GNG4: variants seen among roughly 807,000 people sequenced by gnomAD.
The protein encoded by GNG4 is guanine nucleotide-binding protein G(I)/G(S)/G(O) subunit gamma-4.
A neutral mutation model predicts 5.8 loss-of-function variants in GNG4; 4 were observed. The ratio of observed to expected loss-of-function variants is 0.69; its 90% confidence interval spans 0.34 to 1.57. GNG4 has a LOEUF of 1.57. Among genes scored for constraint, GNG4 ranks in the 40% most tolerant of loss-of-function variants. The pLI is 0.06. For synonymous variants in GNG4, 29 were observed against 32.9 expected, an observed-to-expected ratio of 0.88 and a Z score of 0.41; for missense variants, 96 against 95.1, an observed-to-expected ratio of 1.01 and a Z score of -0.04.
rs1686702229 is a variant in GNG4, at chr1:235,550,136, A to C, written c.*1973T>G. 6.6e-6 allele frequency: 1 copy of C among 152,204 alleles called. No homozygotes were observed. 9.4% of individuals were successfully genotyped at this position (152,204 alleles called of 1,614,324 possible). On this transcript the variant is annotated 3_prime_UTR_variant, in exon 4 of 4. Coordinates refer to ENST00000391854, the MANE Select transcript of GNG4 (RefSeq NM_001098722.2). Reference sequence around the variant, plus strand: ...TCTCCTCTTTCATCGGGATCATATGAGTTTGGTTTAGGTAGGACCTTCAGG... The same window carrying C: ...TCTCCTCTTTCATCGGGATCATATGCGTTTGGTTTAGGTAGGACCTTCAGG...
At chr1:235,616,515 A>C (rs1415589856) in intron 1 of GNG4, 8 of 196,580 alleles carry the variant, frequency 4.1e-5, no homozygotes, top group Non-Finnish European at 1.0e-5. Context: ...AAAAACTTAC[A>C]CAGATTGTAT....
rs1052101757 is a variant in GNG4 at position 235,642,742 on chromosome 1, C to T, written c.-123+6920G>A. The stretch of plus-strand genomic sequence containing the variant: ...TAAACTTGCCGTGTGTTCTTGGAGG[C>T]GCGGGCCTCCCTGCTGTCATCACAC... On this transcript the variant is annotated intron_variant, in intron 1 of 3. Transcript: ENST00000391854. The surrounding 1 kb of genome is among the most constrained non-coding windows in gnomAD (Gnocchi z 4.3). 3.3e-5 allele frequency among the ~76,000 whole-genome samples: 5 copies of T among 152,102 alleles called. No homozygotes were observed. Among genetic ancestry groups the T allele is most frequent in the African/African-American group, 1.2e-4 (5 of 41,408 alleles).
chr1:235,565,173 A>G (rs1051954223), intron 3 of GNG4, among the ~76,000 whole-genome samples: 2 of 152,076 alleles, frequency 1.3e-5, no homozygotes, highest in African/African-American at 2.4e-5. Flanking sequence ...CCTGAACAGG[A>G]AGGTCGTCTC....
intron 1 of GNG4, among the ~76,000 whole-genome samples, chr1:235,640,662 G>C (rs759442178): frequency 3.3e-5 from 5 of 152,258 alleles, no homozygotes; most frequent in Non-Finnish European, 5.9e-5. Context: ...AATCCCGGCA[G>C]GGTGGAGTTG....
intron 1 of GNG4, among the ~76,000 whole-genome samples, chr1:235,627,317 G>A (rs1052288673): frequency 1.3e-5 from 2 of 152,010 alleles, no homozygotes; most frequent in Non-Finnish European, 2.9e-5. Flanking sequence ...CCGCCTTCTG[G>A]GTTCAAGCAA....
chr1:235,631,705 T>C (rs923292929), intron 1 of GNG4, among the ~76,000 whole-genome samples: 5 of 151,930 alleles, frequency 3.3e-5, no homozygotes, highest in African/African-American at 1.2e-4. Flanking sequence ...GTAGCTGGGA[T>C]TACAGGTGTA....
At chr1:235,589,155 C>T (rs1013938154) in intron 2 of GNG4, among the ~76,000 whole-genome samples, 6 of 152,234 alleles carry the variant, frequency 3.9e-5, no homozygotes, top group Admixed American at 3.3e-4. Flanking sequence ...GCCATAACAT[C>T]GGAAGGCTCA....
intron 3 of GNG4, among the ~76,000 whole-genome samples, chr1:235,556,980 ATC>A (rs1686926843): frequency 6.6e-6 from 1 of 152,050 alleles, no homozygotes; most frequent in Non-Finnish European, 1.5e-5. Context: ...GCCGCTGCTG[ATC>A]TCACAGGAGG....
intron 1 of GNG4, among the ~76,000 whole-genome samples, chr1:235,606,533 G>A (rs1688365158): frequency 1.3e-5 from 2 of 152,078 alleles, no homozygotes; most frequent in Non-Finnish European, 2.9e-5. Context: ...GGGAAAGGAA[G>A]GCATATCTGG....
chr1:235,595,787 A>C (rs1247835419), intron 1 of GNG4, among the ~76,000 whole-genome samples: 1 of 152,152 alleles, frequency 6.6e-6, no homozygotes, highest in Admixed American at 6.6e-5. Flanking sequence ...GCAAACCTTC[A>C]TGCCCAGTCG....
At chr1:235,630,916 TG>T (rs1194783493) in intron 1 of GNG4, among the ~76,000 whole-genome samples, 1 of 152,060 alleles carries the variant, frequency 6.6e-6, no homozygotes, top group Non-Finnish European at 1.5e-5. Flanking sequence ...TTTTTTTTTT[TG>T]AGACAGAGTC....
chr1:235,602,474 A>G (rs910125223), intron 1 of GNG4, among the ~76,000 whole-genome samples: 2 of 152,172 alleles, frequency 1.3e-5, no homozygotes, highest in African/African-American at 4.8e-5. Context: ...CTCATATGAG[A>G]AAGTGAAATA....
intron 1 of GNG4, among the ~76,000 whole-genome samples, chr1:235,608,769 C>T (rs1375601425): frequency 6.6e-6 from 1 of 151,854 alleles, no homozygotes; most frequent in South Asian, 2.1e-4. Context: ...CTGCAACCTC[C>T]GCCTCCCGAG....
intron 1 of GNG4, among the ~76,000 whole-genome samples, chr1:235,596,621 A>G (rs1688131170): frequency 6.6e-6 from 1 of 152,262 alleles, no homozygotes; most frequent in Admixed American, 6.5e-5. Flanking sequence ...AGAGATAACT[A>G]TGGTTAGCCT....
At chr1:235,553,004 C>T (rs1686793114) in intron 3 of GNG4, among the ~76,000 whole-genome samples, 1 of 152,130 alleles carries the variant, frequency 6.6e-6, no homozygotes, top group East Asian at 1.9e-4. Flanking sequence ...GGTGATCTGC[C>T]CACCTCGGCT....
At chr1:235,572,073 T>G (rs1305877677) in intron 3 of GNG4, among the ~76,000 whole-genome samples, 1 of 152,138 alleles carries the variant, frequency 6.6e-6, no homozygotes, top group Non-Finnish European at 1.5e-5. Flanking sequence ...TGAGCTCAAG[T>G]GATCCTCCTG....
At chr1:235,638,484 T>C (rs12133886) in intron 1 of GNG4, among the ~76,000 whole-genome samples, 7 of 14,862 alleles carry the variant, frequency 4.7e-4, no homozygotes, top group South Asian at 2.3e-3. Flanking sequence ...CCTCCTGCAT[T>C]TTTTTTTTTT....
At chr1:235,596,342 A>C (rs1017532018) in intron 1 of GNG4, among the ~76,000 whole-genome samples, 9 of 152,002 alleles carry the variant, frequency 5.9e-5, no homozygotes, top group African/African-American at 2.2e-4. Context: ...GTTCGAGACC[A>C]GCCTGACAAA....
At chr1:235,596,986 C>T (rs1467949693) in intron 1 of GNG4, among the ~76,000 whole-genome samples, 8 of 152,008 alleles carry the variant, frequency 5.3e-5, no homozygotes, top group South Asian at 2.1e-4. Context: ...CTCCCACCTA[C>T]GGCCTCCCAA....
Sources: gnomAD v4.1 joint callset for allele counts (sites outside exome capture counted in the v4.1 genomes callset) on GRCh38, gnomAD v4.1.1 for gene constraint, Gnocchi (gnomAD v3.1) non-coding constraint, MANE v1.5 for transcripts, NCBI Gene and HGNC (gene_info 2026-07-23, HGNC 2026-07-21) for gene names.